Variants in PTPRD observed in about 807,000 individuals in gnomAD.
PTPRD encodes protein tyrosine phosphatase receptor type D, also known as receptor-type tyrosine-protein phosphatase delta.
PTPRD carries 34 observed loss-of-function variants against 214.5 expected under a neutral mutation model. The ratio of observed to expected loss-of-function variants is 0.16; its 90% CI spans 0.12 to 0.21. PTPRD has a LOEUF of 0.21. PTPRD is among the 10% of genes least tolerant of loss of function. The probability of loss-of-function intolerance (pLI) is 1.00; values close to 1 mark genes in which losing one functional copy is unlikely to be tolerated. For missense variants in PTPRD, 2,545 were observed against 2,398.7 expected, an observed-to-expected ratio of 1.06 and a Z score of -1.27; for synonymous variants, 1,128 against 845.7, an observed-to-expected ratio of 1.33 and a Z score of -5.79.
intron 2 of PTPRD, among the ~76,000 whole-genome samples, chr9:10,363,387 C>G (rs137971347): frequency 6.6e-6 from 1 of 152,156 alleles, no homozygotes; most frequent in African/African-American, 2.4e-5. Context: ...GCCCTCTGTG[C>G]ATCAAGATTT....
chr9:9,051,000 G>A (rs373082056), intron 10 of PTPRD, among the ~76,000 whole-genome samples: 209 of 152,186 alleles, frequency 1.4e-3, no homozygotes, highest in East Asian at 0.011. Context: ...GATCAATTAC[G>A]TATAGTTAAT....
At chr9:8,525,280 C>G in intron 17 of PTPRD, 1 of 610,794 alleles carries the variant, frequency 1.6e-6, no homozygotes, top group East Asian at 2.9e-5. Flanking sequence ...CCAAGCAAGA[C>G]TTCTAGTCAT....
intron 21 of PTPRD, among the ~76,000 whole-genome samples, chr9:8,510,452 G>C (rs933714969): frequency 6.6e-6 from 1 of 152,248 alleles, no homozygotes. Context: ...GCCATGCTCA[G>C]TGACAGCAGG....
intron 2 of PTPRD, among the ~76,000 whole-genome samples, chr9:10,547,396 C>T (rs1444195328): frequency 6.6e-6 from 1 of 151,754 alleles, no homozygotes; most frequent in Non-Finnish European, 1.5e-5. Flanking sequence ...ACTTGACCTC[C>T]AGTAGATACA....
intron 8 of PTPRD, among the ~76,000 whole-genome samples, chr9:9,445,071 A>G (rs924069766): frequency 1.3e-5 from 2 of 152,208 alleles, no homozygotes; most frequent in African/African-American, 2.4e-5. Flanking sequence ...GGCATGTGAT[A>G]TGACAATTTG....
intron 7 of PTPRD, among the ~76,000 whole-genome samples, chr9:9,666,317 CTATGA>C (rs1024206674): frequency 1.3e-5 from 2 of 151,764 alleles, no homozygotes; most frequent in African/African-American, 4.8e-5. Context: ...GTAAAGATGT[CTATGA>C]TATATTGTTT....
At chr9:9,344,013 A>T (rs2047843927) in intron 9 of PTPRD, among the ~76,000 whole-genome samples, 1 of 152,138 alleles carries the variant, frequency 6.6e-6, no homozygotes, top group Non-Finnish European at 1.5e-5. Flanking sequence ...TATGTATCTT[A>T]GGTGCTATAT....
chr9:9,554,205 A>G (rs1051031491), intron 8 of PTPRD, among the ~76,000 whole-genome samples: 1 of 152,080 alleles, frequency 6.6e-6, no homozygotes, highest in Admixed American at 6.6e-5. Context: ...ACTATCAAGT[A>G]ATTTATCTTC....
chr9:9,106,382 T>C (rs2099798576), intron 10 of PTPRD, among the ~76,000 whole-genome samples: 1 of 151,790 alleles, frequency 6.6e-6, no homozygotes, highest in South Asian at 2.1e-4. Flanking sequence ...ATACTTAATA[T>C]GTTAATTTAT....
At chr9:9,919,101 C>A (rs892443635) in intron 5 of PTPRD, among the ~76,000 whole-genome samples, 3 of 151,928 alleles carry the variant, frequency 2.0e-5, no homozygotes, top group African/African-American at 7.3e-5. Flanking sequence ...TTAAAATATC[C>A]AAATGAATGA....
At chr9:9,774,393 C>A (rs2098779473) in intron 5 of PTPRD, among the ~76,000 whole-genome samples, 1 of 152,162 alleles carries the variant, frequency 6.6e-6, no homozygotes, top group Admixed American at 6.5e-5. Context: ...AGTGCAAAAT[C>A]CTTTTAACAC....
chr9:8,561,609 G>C (rs142987856), intron 14 of PTPRD, among the ~76,000 whole-genome samples: 32 of 152,106 alleles, frequency 2.1e-4, no homozygotes, highest in East Asian at 3.9e-4. Context: ...TGGGGGTGAG[G>C]GGGGGTGGAG....
chr9:10,514,686 T>C (rs2049413577), intron 2 of PTPRD, among the ~76,000 whole-genome samples: 1 of 151,912 alleles, frequency 6.6e-6, no homozygotes, highest in Non-Finnish European at 1.5e-5. Flanking sequence ...AAAAAAGGAA[T>C]GCAAAACAAA....
chr9:9,379,537 T>C (rs575640716), intron 9 of PTPRD, among the ~76,000 whole-genome samples: 53 of 152,150 alleles, frequency 3.5e-4, no homozygotes, highest in African/African-American at 1.2e-3. Context: ...TTTCTCTTTA[T>C]ATAACTTTAG....
At chr9:9,824,758 G>C (rs2821524) in intron 5 of PTPRD, among the ~76,000 whole-genome samples, 1 of 151,784 alleles carries the variant, frequency 6.6e-6, no homozygotes, top group Non-Finnish European at 1.5e-5. Context: ...TTACTGAGAT[G>C]ATTTTGTGAG....
chr9:8,812,738 T>G (rs959166598), intron 11 of PTPRD, among the ~76,000 whole-genome samples: 1 of 151,858 alleles, frequency 6.6e-6, no homozygotes, highest in Non-Finnish European at 1.5e-5. Flanking sequence ...TCGGTGGGGC[T>G]TGAAGGCTAA....
intron 9 of PTPRD, among the ~76,000 whole-genome samples, chr9:9,275,281 A>T (rs1382417216): frequency 7.5e-6 from 1 of 133,220 alleles, no homozygotes; most frequent in Non-Finnish European, 1.6e-5. Flanking sequence ...ACTCTTCTTG[A>T]TCATCAGTTT....
chr9:8,422,278 T>C (rs572447731), intron 35 of PTPRD, among the ~76,000 whole-genome samples: 1 of 152,228 alleles, frequency 6.6e-6, no homozygotes, highest in African/African-American at 2.4e-5. Flanking sequence ...GCCTTATTTC[T>C]TCCCATAAGT....
At chr9:9,669,897 C>A (rs2096794848) in intron 7 of PTPRD, among the ~76,000 whole-genome samples, 1 of 152,092 alleles carries the variant, frequency 6.6e-6, no homozygotes, top group Non-Finnish European at 1.5e-5. Context: ...ATGCTTAGCA[C>A]CCAATGACAT....
Sources: allele counts gnomAD v4.1 joint callset (sites outside exome capture counted in the v4.1 genomes callset), GRCh38; gene constraint gnomAD v4.1.1; transcripts MANE v1.5; gene names NCBI Gene and HGNC (gene_info 2026-07-23, HGNC 2026-07-21).